Variants in SASH3 observed in about 807,000 individuals in gnomAD.
SASH3 encodes the protein SAM and SH3 domain-containing protein 3.
SASH3 carries 7 observed loss-of-function variants against 26.1 expected under a neutral mutation model. The ratio of observed to expected loss-of-function variants is 0.27; its 90% CI spans 0.15 to 0.50. The LOEUF (loss-of-function observed/expected upper bound fraction) is 0.50. Among genes scored for constraint, SASH3 ranks in the 20% least tolerant of loss-of-function variants. The pLI, the probability that SASH3 is intolerant of heterozygous loss-of-function variation, is 0.98. For synonymous variants in SASH3, 138 were observed against 136.8 expected, an observed-to-expected ratio of 1.01 and a Z score of -0.06; for missense variants, 231 against 318.3, an observed-to-expected ratio of 0.73 and a Z score of 2.09.
chrX:129,780,865 G>C lies in SASH3; in HGVS notation c.57+711G>C, dbSNP rs779721395. Among the ~76,000 whole-genome samples the C allele has an allele frequency of 1.6e-4, 18 of 112,348 alleles. No individual in the cohort carries two copies. The East Asian group carries it at 2.0e-3, about 12-fold the overall frequency. On this transcript the variant is annotated intron_variant, in intron 1 of 7. Transcript: ENST00000356892. ...GTGAGTAGGAGTGAAGGCTGAGGAGGGAGGATTTTAAAGGCCAGGAGGAAA... is the reference window on the plus strand; with the variant it reads ...GTGAGTAGGAGTGAAGGCTGAGGAGCGAGGATTTTAAAGGCCAGGAGGAAA...
rs1362365242 is a variant in SASH3, at chrX:129,793,147, G to A, written c.952+8G>A. ...TGCTGCTGGACTATGACAGTGAGTG[G>A]CTTTAGGAGCGGCCTGGTGAGGGTG... On this transcript the variant is annotated splice_region_variant and intron_variant, in intron 7 of 7. Coordinates refer to ENST00000356892, the MANE Select transcript of SASH3 (RefSeq NM_018990.4). 8.3e-7 allele frequency: 1 copy of A among 1,211,749 alleles called. No homozygotes were observed. Among genetic ancestry groups the A allele is most frequent in the Non-Finnish European group, 1.1e-6 (1 of 895,397 alleles).
chrX:129,783,219 A>C (rs112011426), intron 1 of SASH3, among the ~76,000 whole-genome samples: 38 of 110,675 alleles, frequency 3.4e-4, no homozygotes, highest in African/African-American at 1.3e-3. Flanking sequence ...TCAGGCTCTC[A>C]ACGTCTCTAA....
chrX:129,791,176 G>T, intron 4 of SASH3, 95 bp downstream of exon 4: 1 of 921,014 alleles, frequency 1.1e-6, no homozygotes, highest in South Asian at 2.3e-5. Flanking sequence ...GGGGGTAAGA[G>T]AAATGAATGC....
At chrX:129,789,153 GAAAGAAAGAAAGAGAAAAAAA>G (rs1927176590) in intron 3 of SASH3, among the ~76,000 whole-genome samples, 1 of 64,407 alleles carries the variant, frequency 1.6e-5, no homozygotes, top group African/African-American at 8.8e-5. Context: ...AAGAAAGAAA[GAAAGAAAGAAAGAGAAAAAAA>G]AAAAAAAGAA....
intron 4 of SASH3, 129 bp downstream of exon 4, chrX:129,791,210 T>A: frequency 1.6e-6 from 1 of 643,768 alleles, no homozygotes; most frequent in Non-Finnish European, 2.4e-6. Flanking sequence ...GCTGGGAACA[T>A]TCTCAGTCCT....
rs764357775 is a variant in SASH3 at position 129,794,660 on chromosome X, C to T, written c.*828C>T. 1 of 111,561 alleles carries T rather than the reference C, an allele frequency of 9.0e-6. No individual in the cohort carries two copies. Among genetic ancestry groups the T allele is most frequent in the South Asian group, 3.8e-4 (1 of 2,663 alleles). The allele number at this position is 111,561 out of a possible 1,213,427, so 9.2% of individuals were successfully genotyped here. The stretch of plus-strand genomic sequence containing the variant: ...TGTAATTCAGGACAAGCTGCAACTT[C>T]CCCCAGCTTAACACAATGCCCATAC... On this transcript the variant is annotated 3_prime_UTR_variant, in exon 8 of 8. Transcript: ENST00000356892.
chrX:129,781,534 CAG>C (rs1293849839), intron 1 of SASH3, among the ~76,000 whole-genome samples: 2 of 112,104 alleles, frequency 1.8e-5, no homozygotes, highest in Admixed American at 9.4e-5. Flanking sequence ...GGGTGGGAAA[CAG>C]AGATTGCTCT....
chrX:129,788,722 A>G, intron 3 of SASH3, 145 bp downstream of exon 3: 1 of 592,990 alleles, frequency 1.7e-6, no homozygotes, highest in Non-Finnish European at 2.6e-6. Context: ...GGGAGGGGAA[A>G]CTCACTTGCA....
At chrX:129,790,711 T>C (rs1020647138) in intron 3 of SASH3, among the ~76,000 whole-genome samples, 1 of 111,240 alleles carries the variant, frequency 9.0e-6, no homozygotes, top group African/African-American at 3.3e-5. Context: ...CACATCCACA[T>C]GGTGCCCTGG....
chrX:129,788,587 G>T lies in SASH3; in HGVS notation c.300+10G>T, dbSNP rs372399973. ...CCTGTCAGAAGAGATGGTGAGGCCT[G>T]CAGATATAGGGGATGGGGTGTCCAG... On this transcript the variant is annotated intron_variant, in intron 3 of 7. Transcript: ENST00000356892. 2 of 1,207,547 alleles carry T rather than the reference G, an allele frequency of 1.7e-6. No homozygotes were observed. The highest frequency in any genetic ancestry group is 2.2e-6 in the Non-Finnish European group (2 of 893,030).
chrX:129,780,998 G>A (rs911018437), intron 1 of SASH3, among the ~76,000 whole-genome samples: 2 of 112,123 alleles, frequency 1.8e-5, no homozygotes, highest in African/African-American at 3.2e-5. Flanking sequence ...TGAATTTGAG[G>A]ATTTCCAGAT....
chrX:129,783,057 C>T (rs902527929), intron 1 of SASH3, among the ~76,000 whole-genome samples: 2 of 111,528 alleles, frequency 1.8e-5, no homozygotes, highest in Non-Finnish European at 3.8e-5. Context: ...TGGCTCCCTT[C>T]CTACAGCACA....
rs1000983863 is a variant in SASH3 at position 129,793,683 on chromosome X, G to A, written c.994G>A (p.Glu332Lys). ...EAEEGAESSQ[E>K]PVAHTVSEPK... ...TGAAGAGGGCGCCGAGAGCAGCCAG[G>A]AGCCAGTGGCACACACAGTGTCGGA... The change falls in exon 8 of 8, where the codon GAG (glutamate) becomes AAG (lysine). Residue 332 changes from glutamate to lysine, a missense_variant. Transcript: ENST00000356892. 5.0e-6 allele frequency: 6 copies of A among 1,211,099 alleles called. No homozygotes were observed. The African/African-American group carries it at 1.0e-4, about 21-fold the overall frequency.
chrX:129,788,067 T>C lies in SASH3; in HGVS notation c.150T>C (p.Asp50=). ...GCGAGAAGGAGTTTAATCTGGATGA[T>C]AACGTGAGTTTCAGGGCATCCTTGT... is the stretch of plus-strand genomic sequence containing the variant. ...VVSEKEFNLD[D]NIPEDDSGVP... Residue 50 remains aspartate (D), a synonymous_variant, in exon 2 of 8, where the codon GAT becomes GAC. Transcript: ENST00000356892. 1 of 1,164,115 alleles carries C rather than the reference T, an allele frequency of 8.6e-7. No individual in the cohort carries two copies. Among genetic ancestry groups the C allele is most frequent in the Non-Finnish European group, 1.2e-6 (1 of 865,659 alleles).
chrX:129,786,542 T>G (rs950283306), intron 1 of SASH3, among the ~76,000 whole-genome samples: 5 of 111,667 alleles, frequency 4.5e-5, no homozygotes, highest in African/African-American at 1.6e-4. Flanking sequence ...TCTATCTGTC[T>G]GGCCATCTGT....
intron 1 of SASH3, among the ~76,000 whole-genome samples, chrX:129,783,978 G>A (rs1927061576): frequency 9.0e-6 from 1 of 111,016 alleles, no homozygotes; most frequent in South Asian, 3.8e-4. Context: ...AATCATAATT[G>A]CGCCACCGAA....
At chrX:129,787,846 C>T in intron 1 of SASH3, 129 bp from the exon 2 acceptor site, 1 of 508,158 alleles carries the variant, frequency 2.0e-6, no homozygotes, top group Non-Finnish European at 3.5e-6. Context: ...ACCCATTAGC[C>T]TGGGGCTCCC....
Position 129,788,888 on chromosome X carries a change from A to T in SASH3, c.300+311A>T, listed in dbSNP as rs143328713. Among the ~76,000 whole-genome samples, 736 of 110,235 alleles carry T rather than the reference A, an allele frequency of 6.7e-3. 2 individuals are homozygous for T. The highest frequency in any genetic ancestry group is 0.023 in the African/African-American group (704 of 30,190). On this transcript the variant is annotated intron_variant, in intron 3 of 7. Transcript: ENST00000356892. ...TTGGGAGACTGGGGCCGATCACTTGAGGTCAGGAGTTTGAGACCAGCCTGG... is the reference window on the plus strand; with the variant it reads ...TTGGGAGACTGGGGCCGATCACTTGTGGTCAGGAGTTTGAGACCAGCCTGG...
At chrX:129,788,137 G>GGGGGGGGGGC in intron 2 of SASH3, 67 bp downstream of exon 2, 1 of 354,272 alleles carries the variant, frequency 2.8e-6, no homozygotes, top group East Asian at 6.3e-5. Flanking sequence ...GGGTGGGAGG[G>GGGGGGGGGGC]AAGAGGGTGA....
Sources: gnomAD v4.1 joint callset for allele counts (sites outside exome capture counted in the v4.1 genomes callset) on GRCh38, gnomAD v4.1.1 for gene constraint, MANE v1.5 for transcripts, NCBI Gene and HGNC (gene_info 2026-07-23, HGNC 2026-07-21) for gene names.